The following KLRB1 variants were observed in gnomAD, a reference collection of about 807,000 sequenced individuals.
KLRB1 encodes the protein killer cell lectin-like receptor subfamily B member 1.
Under a neutral mutation model 33.5 loss-of-function variants are expected in KLRB1, and 27 were observed. The ratio of observed to expected loss-of-function variants is 0.81; its 90% CI spans 0.59 to 1.11. KLRB1 has a LOEUF of 1.11. Ranked by LOEUF, KLRB1 falls within the 50% of genes most tolerant of loss-of-function variation. The pLI is 0.00. For missense variants in KLRB1, 241 were observed against 254.1 expected (o/e 0.95, Z 0.35); for synonymous variants, 64 against 88.9 (o/e 0.72, Z 1.58).
At position 9,606,760 on chromosome 12, in the gene KLRB1, A is replaced by ATTTTT. The variant is rs1185510083; in HGVS notation, c.85+990_85+994dup. ...TATATATATATATATATATATATAT[A>ATTTTT]TTTTTTTTTTTTTTTTGAGATAGTC... On this transcript the variant is annotated intron_variant, in intron 1 of 5. Transcript: ENST00000229402. Among the ~76,000 whole-genome samples, 7 of 63,736 alleles carry ATTTTT rather than the reference A, an allele frequency of 1.1e-4. 1 individual carries two copies. Among genetic ancestry groups the ATTTTT allele is most frequent in the African/African-American group, 5.8e-4 (7 of 12,126 alleles). The allele number at this position is 63,736 out of a possible 152,430, so 41.8% of individuals were successfully genotyped here.
intron 3 of KLRB1, 70 bp from the exon 4 acceptor site, chr12:9,598,723 T>C: frequency 9.6e-7 from 1 of 1,039,754 alleles, no homozygotes; most frequent in Non-Finnish European, 1.4e-6. Flanking sequence ...CCACAACCAA[T>C]CACACACACA....
intron 1 of KLRB1, among the ~76,000 whole-genome samples, chr12:9,606,825 C>T (rs1826788475): frequency 7.1e-6 from 1 of 140,858 alleles, no homozygotes. Context: ...GGCACAATTA[C>T]AGCTCACTGC....
chr12:9,602,266 C>G (rs1864554237), intron 1 of KLRB1, among the ~76,000 whole-genome samples: 1 of 152,162 alleles, frequency 6.6e-6, no homozygotes, highest in Admixed American at 6.5e-5. Flanking sequence ...TCAGATATCT[C>G]TGCTTTTCTC....
rs763743535 is a variant in KLRB1, at chr12:9,607,144, G to A, written c.85+611C>T. ...ATTTTGTAGAGGAATTTGGAATAAC[G>A]TAGGTTGTTATTACAGCAAGTTTGC... On this transcript the variant is annotated intron_variant, in intron 1 of 5. Coordinates refer to ENST00000229402, the MANE Select transcript of KLRB1 (RefSeq NM_002258.3). Among the ~76,000 whole-genome samples the A allele has an allele frequency of 5.9e-5, 9 of 152,120 alleles. 1 individual carries two copies. The South Asian group carries it at 1.7e-3, about 28-fold the overall frequency.
chr12:9,607,374 T>TTCTC (rs1172966387), intron 1 of KLRB1, among the ~76,000 whole-genome samples: 1,384 of 94,200 alleles, frequency 0.015, 40 homozygotes, highest in African/African-American at 0.02. Flanking sequence ...CTTTCTTTCT[T>TTCTC]TCTTTCTTTC....
At chr12:9,607,431 T>G (rs1864634752) in intron 1 of KLRB1, among the ~76,000 whole-genome samples, 1 of 148,642 alleles carries the variant, frequency 6.7e-6, no homozygotes, top group African/African-American at 2.5e-5. Context: ...CTTTCTTCCT[T>G]CTTTCCATCC....
chr12:9,600,477 C>G (rs1864528899), intron 2 of KLRB1, among the ~76,000 whole-genome samples: 2 of 152,046 alleles, frequency 1.3e-5, no homozygotes, highest in Admixed American at 6.6e-5. Context: ...TGGGGAAAAG[C>G]AAGAGAGATC....
chr12:9,602,646 C>A (rs1432833983), intron 1 of KLRB1, among the ~76,000 whole-genome samples: 1 of 151,736 alleles, frequency 6.6e-6, no homozygotes, highest in African/African-American at 2.4e-5. Context: ...TTTATAAATT[C>A]TATTATTAGA....
At chr12:9,607,335 CCTTTCTTT>C (rs1258225429) in intron 1 of KLRB1, among the ~76,000 whole-genome samples, 21 of 65,168 alleles carry the variant, frequency 3.2e-4, no homozygotes, top group African/African-American at 8.8e-4. Context: ...CTCTTTCTTT[CCTTTCTTT>C]CTTTCTTTCT....
intron 5 of KLRB1, among the ~76,000 whole-genome samples, chr12:9,595,698 C>T (rs371353113): frequency 3.9e-5 from 6 of 152,084 alleles, no homozygotes; most frequent in Non-Finnish European, 7.4e-5. Flanking sequence ...ACTGGGGATT[C>T]AGTCTTCTTA....
chr12:9,607,353 T>TC (rs1864625057), intron 1 of KLRB1, among the ~76,000 whole-genome samples: 1 of 89,918 alleles, frequency 1.1e-5, no homozygotes, highest in African/African-American at 4.5e-5. Flanking sequence ...TCTTTCTTTC[T>TC]TCCTTTCTTT....
At chr12:9,595,499 G>T in intron 5 of KLRB1, 78 bp from the exon 6 acceptor site, 1 of 1,320,760 alleles carries the variant, frequency 7.6e-7, no homozygotes, top group Non-Finnish European at 1.1e-6. Context: ...TATTTCCTAG[G>T]ACTCTCAGGA....
At chr12:9,597,002 C>G (rs1231164895) in intron 5 of KLRB1, among the ~76,000 whole-genome samples, 2 of 152,054 alleles carry the variant, frequency 1.3e-5, no homozygotes, top group African/African-American at 4.8e-5. Context: ...TTTAAATCAT[C>G]TTTATTTTAA....
chr12:9,606,693 A>G (rs911397012), intron 1 of KLRB1, among the ~76,000 whole-genome samples: 4 of 71,428 alleles, frequency 5.6e-5, no homozygotes, highest in Non-Finnish European at 1.2e-4. Flanking sequence ...TATAAAAAGT[A>G]TATATATATA....
At chr12:9,606,704 TATAAAATATATAAAATATATGTATAAAAA>T (rs1864604854) in intron 1 of KLRB1, among the ~76,000 whole-genome samples, 1 of 71,966 alleles carries the variant, frequency 1.4e-5, no homozygotes, top group Admixed American at 1.2e-4. Flanking sequence ...TATATATATA[TATAAAATATATAAAATATATGTATAAAAA>T]GTATATATAT....
intron 5 of KLRB1, 110 bp from the exon 6 acceptor site, chr12:9,595,531 T>G (rs1199598674): frequency 1.0e-6 from 1 of 1,001,904 alleles, no homozygotes; most frequent in Non-Finnish European, 1.5e-6. Context: ...GATAAACTAT[T>G]AAACAAAGAA....
chr12:9,607,274 T>TC, intron 1 of KLRB1, among the ~76,000 whole-genome samples: 5 of 83,402 alleles, frequency 6.0e-5, no homozygotes, highest in African/African-American at 1.4e-4. Context: ...TTCCTTTCCT[T>TC]TCTCTCTCTT....
rs1864539811 is a variant in KLRB1, at chr12:9,601,421, C to T, written c.184+80G>A. 5 of 1,045,730 alleles carry T rather than the reference C, an allele frequency of 4.8e-6. No individual in the cohort carries two copies. The Admixed American group carries it at 9.2e-5, about 19-fold the overall frequency. The allele number at this position is 1,045,730 out of a possible 1,614,324, so 64.8% of individuals were successfully genotyped here. On this transcript the variant is annotated intron_variant, in intron 2 of 5. Transcript: ENST00000229402. ...AACACCCACAGGTGTGTAGGGGCAA[C>T]CCACCCCTACAGAGATGCTCTAAGA...
intron 1 of KLRB1, among the ~76,000 whole-genome samples, chr12:9,606,738 A>G (rs1286469172): frequency 3.0e-3 from 38 of 12,762 alleles, no homozygotes; most frequent in African/African-American, 0.013. Context: ...TAAAAAGTAT[A>G]TATATATATA....
Sources: allele counts gnomAD v4.1 joint callset (sites outside exome capture counted in the v4.1 genomes callset), GRCh38; gene constraint gnomAD v4.1.1; transcripts MANE v1.5; gene names NCBI Gene and HGNC (gene_info 2026-07-23, HGNC 2026-07-21).